Variants in FAM81A observed in about 807,000 individuals in gnomAD.
FAM81A encodes the protein family with sequence similarity 81 member A.
A neutral mutation model predicts 46.7 loss-of-function variants in FAM81A; 19 were observed. That is an observed-to-expected ratio of 0.41 (90% CI 0.28 to 0.60). The LOEUF is 0.60. Ranked by LOEUF, FAM81A falls within the 20% of genes least tolerant of loss-of-function variation. FAM81A has a pLI of 0.34. For synonymous variants in FAM81A, 183 were observed against 152.9 expected (o/e 1.20, Z -1.45); for missense variants, 377 against 453.5 (o/e 0.83, Z 1.53).
Position 59,514,344 on chromosome 15 carries a change from T to C in FAM81A, c.706T>C (p.Leu236=), listed in dbSNP as rs2082245115. The C allele has an allele frequency of 1.2e-6, 2 of 1,613,714 alleles. No homozygotes were observed. The highest frequency in any genetic ancestry group is 3.3e-5 in the Admixed American group (2 of 59,978). ...CCAGATATTATCTGCACGGAGTTGG[T>C]TGCAACAGGAACAAGAACGGATAGA... is the stretch of plus-strand genomic sequence containing the variant. ...SNQILSARSW[L]QQEQERIEKE... Residue 236 remains leucine (L), a synonymous_variant, in exon 7 of 9, where the codon TTG becomes CTG. Coordinates refer to ENST00000288228, the MANE Select transcript of FAM81A (RefSeq NM_152450.3).
chr15:59,520,075 A>C (rs1261211600), intron 8 of FAM81A, among the ~76,000 whole-genome samples: 6 of 142,906 alleles, frequency 4.2e-5, no homozygotes, highest in African/African-American at 1.6e-4. Flanking sequence ...AAACTTTCTT[A>C]AAACATTATG....
intron 4 of FAM81A, among the ~76,000 whole-genome samples, chr15:59,497,409 G>A (rs969351902): frequency 3.3e-5 from 5 of 151,968 alleles, no homozygotes; most frequent in African/African-American, 1.2e-4. Flanking sequence ...TTGTGCCACT[G>A]CACTCCAGCC....
chr15:59,435,827 C>T (rs1427895794), upstream of FAM81A, among the ~76,000 whole-genome samples: 8 of 152,098 alleles, frequency 5.3e-5, no homozygotes, highest in Admixed American at 1.3e-4. Flanking sequence ...GCAAGAAAAT[C>T]TCCATCTCCT....
intron 3 of FAM81A, among the ~76,000 whole-genome samples, chr15:59,484,468 A>G (rs536859123): frequency 5.9e-5 from 9 of 152,312 alleles, no homozygotes; most frequent in Admixed American, 5.9e-4. Context: ...AGAGGGTAGG[A>G]AGGACAGTCT....
intron 3 of FAM81A, among the ~76,000 whole-genome samples, chr15:59,480,695 G>A (rs2141712282): frequency 6.6e-6 from 1 of 152,210 alleles, no homozygotes; most frequent in African/African-American, 2.4e-5. Flanking sequence ...CACAGTAGGT[G>A]TGCAAAAACA....
chr15:59,459,811 C>T (rs2081528914), intron 2 of FAM81A, 122 bp from the exon 3 acceptor site: 1 of 1,364,136 alleles, frequency 7.3e-7, no homozygotes, highest in Admixed American at 2.9e-5. Flanking sequence ...AATCCTGCCT[C>T]AAACCCTATT....
At chr15:59,450,279 A>C (rs141030255) in intron 1 of FAM81A, among the ~76,000 whole-genome samples, 1 of 151,998 alleles carries the variant, frequency 6.6e-6, no homozygotes, top group African/African-American at 2.4e-5. Context: ...GCATGAATAT[A>C]TCATAGTTTA....
chr15:59,459,540 T>A (rs1247275512), intron 2 of FAM81A, among the ~76,000 whole-genome samples: 4 of 152,194 alleles, frequency 2.6e-5, no homozygotes, highest in Admixed American at 6.5e-5. Flanking sequence ...CACTCATTTA[T>A]GTCGCCTGCC....
chr15:59,444,812 A>G (rs542035998), intron 1 of FAM81A, among the ~76,000 whole-genome samples: 1 of 152,240 alleles, frequency 6.6e-6, no homozygotes, highest in East Asian at 1.9e-4. Flanking sequence ...GAGTTTTTCC[A>G]TATAAAAGCA....
intron 4 of FAM81A, among the ~76,000 whole-genome samples, chr15:59,504,166 C>G (rs1305568409): frequency 6.6e-5 from 10 of 152,176 alleles, no homozygotes; most frequent in Admixed American, 6.5e-4. Context: ...AAAACCTCAG[C>G]TTTCCCCAAA....
intron 2 of FAM81A, among the ~76,000 whole-genome samples, chr15:59,402,977 T>TC (rs2081078583): frequency 6.6e-6 from 1 of 152,162 alleles, no homozygotes; most frequent in Non-Finnish European, 1.5e-5. Flanking sequence ...GTGAACTGAG[T>TC]CCTACCTGTT....
chr15:59,514,485 GAAT>G (rs1836691169), intron 7 of FAM81A, 61 bp downstream of exon 7: 26 of 1,537,206 alleles, frequency 1.7e-5, no homozygotes, highest in East Asian at 2.3e-5. Context: ...TACACTGTTT[GAAT>G]AATAATACCT....
intron 6 of FAM81A, among the ~76,000 whole-genome samples, chr15:59,510,265 G>T (rs1418028015): frequency 6.6e-6 from 1 of 151,588 alleles, no homozygotes; most frequent in Non-Finnish European, 1.5e-5. Flanking sequence ...ACTCGGGAGG[G>T]TGAGACATGA....
chr15:59,475,224 A>G (rs1431828465), intron 3 of FAM81A, among the ~76,000 whole-genome samples: 1 of 151,888 alleles, frequency 6.6e-6, no homozygotes, highest in East Asian at 1.9e-4. Context: ...AGCTCACTGC[A>G]ACCTCCGCCT....
chr15:59,482,837 C>T (rs1040621376), intron 3 of FAM81A, among the ~76,000 whole-genome samples: 1 of 152,144 alleles, frequency 6.6e-6, no homozygotes, highest in Admixed American at 6.5e-5. Flanking sequence ...CTTGCCAGCG[C>T]CTTCTCATCA....
intron 3 of FAM81A, among the ~76,000 whole-genome samples, chr15:59,472,064 T>C (rs1489117973): frequency 6.6e-6 from 1 of 152,168 alleles, no homozygotes; most frequent in South Asian, 2.1e-4. Flanking sequence ...TTTCTTTCAT[T>C]GAATACAAAC....
intron 4 of FAM81A, among the ~76,000 whole-genome samples, chr15:59,506,129 C>T (rs1417144479): frequency 1.3e-5 from 2 of 151,992 alleles, no homozygotes; most frequent in African/African-American, 2.4e-5. Context: ...AAGAACTCTT[C>T]TAGAAGCCAC....
chr15:59,446,214 G>C (rs531219410), intron 1 of FAM81A, among the ~76,000 whole-genome samples: 2 of 152,318 alleles, frequency 1.3e-5, no homozygotes, highest in African/African-American at 4.8e-5. Flanking sequence ...AATCCAGAAA[G>C]GTTCAAATAA....
At chr15:59,404,324 C>A (rs10152344) in intron 2 of FAM81A, among the ~76,000 whole-genome samples, 27,231 of 152,158 alleles carry the variant, frequency 0.18, 2,689 homozygotes, top group Non-Finnish European at 0.22. Flanking sequence ...AGAGACCCAT[C>A]TCCTCATTCC....
Sources: gnomAD v4.1 joint callset for allele counts (sites outside exome capture counted in the v4.1 genomes callset) on GRCh38, gnomAD v4.1.1 for gene constraint, MANE v1.5 for transcripts, NCBI Gene and HGNC (gene_info 2026-07-23, HGNC 2026-07-21) for gene names.